Variants in ARNT2 observed in about 807,000 individuals in gnomAD.
The protein encoded by ARNT2 is aryl hydrocarbon receptor nuclear translocator 2, also known as ARNT protein 2.
ARNT2 carries 36 observed loss-of-function variants against 91.7 expected under a neutral mutation model. The ratio of observed to expected loss-of-function variants is 0.39; its 90% confidence interval spans 0.30 to 0.52. The LOEUF (loss-of-function observed/expected upper bound fraction) is 0.52. ARNT2 is among the 20% of genes least tolerant of loss of function. The probability of loss-of-function intolerance (pLI) is 0.72; values close to 1 mark genes in which losing one functional copy is unlikely to be tolerated. For missense variants in ARNT2, 775 were observed against 939.3 expected (o/e 0.83, Z 2.29); for synonymous variants, 365 against 347.1 (o/e 1.05, Z -0.57).
rs753066852 is a variant in ARNT2 at position 80,593,572 on chromosome 15, T to C, written c.2056-28T>C. The C allele has an allele frequency of 9.1e-6, 14 of 1,542,842 alleles. No homozygotes were observed. In the Admixed American group the frequency reaches 1.9e-4, roughly 21 times the overall value. ...GCACGGACAGAGGAGCTGACTCCCC[T>C]GTGGCTCTCTTTTCCTCTCCTCTGC... On this transcript the variant is annotated intron_variant, in intron 18 of 18. Transcript: ENST00000303329.
In ARNT2 at chr15:80,513,992, G is replaced by C. The variant is rs576954819; in HGVS notation, c.791+16G>C. The C allele has an allele frequency of 6.2e-7, 1 of 1,605,288 alleles. No individual in the cohort carries two copies. The highest frequency in any genetic ancestry group is 1.1e-5 in the South Asian group (1 of 90,820). Reference sequence around the variant, plus strand: ...AAAGGTTCAGGTCAGTATCTCTTCCGATGTATATTTTGGGACTGTTCTGGT... The same window carrying C: ...AAAGGTTCAGGTCAGTATCTCTTCCCATGTATATTTTGGGACTGTTCTGGT... On this transcript the variant is annotated intron_variant, in intron 7 of 18. Coordinates refer to ENST00000303329, the MANE Select transcript of ARNT2 (RefSeq NM_014862.4).
chr15:80,428,393 C>T (rs905368324), intron 1 of ARNT2, among the ~76,000 whole-genome samples: 1 of 152,238 alleles, frequency 6.6e-6, no homozygotes, highest in African/African-American at 2.4e-5. Context: ...TTACCCAGTT[C>T]CATGGACTAG....
Position 80,522,820 on chromosome 15 carries a change from G to GTGTA in ARNT2, c.877+8416_877+8417insGTAT, listed in dbSNP as rs548555538. ...CATATGTGTGTGTGTGTGTGTGTGT[G>GTGTA]TATATATATATATATACACACATTA... is the stretch of plus-strand genomic sequence containing the variant. On this transcript the variant is annotated intron_variant, in intron 8 of 18. Transcript: ENST00000303329. Among the ~76,000 whole-genome samples, 243 of 135,732 alleles carry GTGTA rather than the reference G, an allele frequency of 1.8e-3. 1 individual carries two copies. Among genetic ancestry groups the GTGTA allele is most frequent in the African/African-American group, 4.2e-3 (150 of 35,788 alleles). 89.0% of individuals were successfully genotyped at this position (135,732 alleles called of 152,430 possible). A position where few individuals can be genotyped will look rare whatever the true frequency, so the allele number is the denominator to read the frequency against.
chr15:80,497,322 A>G (rs1897136226), intron 5 of ARNT2, among the ~76,000 whole-genome samples: 1 of 152,258 alleles, frequency 6.6e-6, no homozygotes, highest in African/African-American at 2.4e-5. Context: ...TGAAGCACAA[A>G]AAGGATTTGA....
intron 5 of ARNT2, among the ~76,000 whole-genome samples, chr15:80,477,465 G>A (rs559324862): frequency 3.9e-5 from 6 of 152,174 alleles, no homozygotes; most frequent in African/African-American, 1.2e-4. Context: ...GAATTTCAGC[G>A]TACGAATTTG....
chr15:80,522,295 A>G (rs1388427834), intron 8 of ARNT2, among the ~76,000 whole-genome samples: 1 of 152,306 alleles, frequency 6.6e-6, no homozygotes, highest in East Asian at 1.9e-4. Context: ...CAGAGCTATA[A>G]CCTGCCTAAA....
At chr15:80,446,635 G>A (rs1896309330) in intron 1 of ARNT2, among the ~76,000 whole-genome samples, 1 of 152,214 alleles carries the variant, frequency 6.6e-6, no homozygotes, top group Non-Finnish European at 1.5e-5. Flanking sequence ...AGGGTACAGG[G>A]CTGACCGGTC....
At chr15:80,448,602 A>T (rs4778793) in intron 1 of ARNT2, among the ~76,000 whole-genome samples, 4 of 152,006 alleles carry the variant, frequency 2.6e-5, no homozygotes, top group Non-Finnish European at 4.4e-5. Flanking sequence ...GGATGACAAC[A>T]TTTCTAGGAT....
chr15:80,490,060 A>G (rs1453640934), intron 5 of ARNT2, among the ~76,000 whole-genome samples: 1 of 151,890 alleles, frequency 6.6e-6, no homozygotes, highest in African/African-American at 2.4e-5. Flanking sequence ...CTCAGTCCCT[A>G]CCTAGTCAGG....
chr15:80,450,701 T>C (rs1896375311), intron 1 of ARNT2, among the ~76,000 whole-genome samples, 179 bp from the exon 2 acceptor site: 1 of 152,170 alleles, frequency 6.6e-6, no homozygotes, highest in South Asian at 2.1e-4. Flanking sequence ...GATACCCTTT[T>C]CCAGAGAAAG....
intron 5 of ARNT2, among the ~76,000 whole-genome samples, chr15:80,492,485 A>G (rs143430870): frequency 6.6e-6 from 1 of 152,104 alleles, no homozygotes. Context: ...TGGGTGCTTG[A>G]TGGTTTCAGA....
chr15:80,455,417 C>A (rs182915885), intron 2 of ARNT2, among the ~76,000 whole-genome samples: 3 of 152,238 alleles, frequency 2.0e-5, no homozygotes, highest in Admixed American at 2.0e-4. Context: ...AAGTTCCCGG[C>A]GGACTTCAGA....
intron 17 of ARNT2, among the ~76,000 whole-genome samples, chr15:80,588,046 G>A (rs1472428552): frequency 6.6e-6 from 1 of 152,180 alleles, no homozygotes; most frequent in Non-Finnish European, 1.5e-5. Flanking sequence ...TGTGGTTATG[G>A]GGGCAGTGGG....
chr15:80,458,579 A>G (rs1487225747), intron 3 of ARNT2, among the ~76,000 whole-genome samples: 1 of 152,006 alleles, frequency 6.6e-6, no homozygotes, highest in African/African-American at 2.4e-5. Flanking sequence ...AGACCACCTC[A>G]TGGAAAGTTT....
At chr15:80,586,067 C>T (rs535736834) in intron 17 of ARNT2, among the ~76,000 whole-genome samples, 1 of 152,232 alleles carries the variant, frequency 6.6e-6, no homozygotes, top group Admixed American at 6.5e-5. Context: ...CCTCAAATTG[C>T]TCAGTTTCTT....
intron 1 of ARNT2, among the ~76,000 whole-genome samples, chr15:80,448,225 G>A (rs1431156380): frequency 1.3e-5 from 2 of 152,208 alleles, no homozygotes; most frequent in African/African-American, 4.8e-5. Flanking sequence ...TTTGAGTTGT[G>A]ATTTGAAACC....
chr15:80,522,139 A>G (rs1897557717), intron 8 of ARNT2, among the ~76,000 whole-genome samples: 1 of 152,208 alleles, frequency 6.6e-6, no homozygotes, highest in African/African-American at 2.4e-5. Flanking sequence ...AATGTAAATA[A>G]TAATAATAAT....
At chr15:80,514,711 C>T (rs1239945024) in intron 8 of ARNT2, among the ~76,000 whole-genome samples, 2 of 152,146 alleles carry the variant, frequency 1.3e-5, no homozygotes, top group Non-Finnish European at 2.9e-5. Context: ...ACAGTGAAAT[C>T]CTGTGTCTAC....
chr15:80,437,331 G>A (rs1896103193), intron 1 of ARNT2, among the ~76,000 whole-genome samples: 1 of 152,056 alleles, frequency 6.6e-6, no homozygotes, highest in Admixed American at 6.5e-5. Context: ...TATTTTCTTT[G>A]CCAGAGTCTC....
Sources: allele counts gnomAD v4.1 joint callset (sites outside exome capture counted in the v4.1 genomes callset), GRCh38; gene constraint gnomAD v4.1.1; transcripts MANE v1.5; gene names NCBI Gene and HGNC (gene_info 2026-07-23, HGNC 2026-07-21).